Variants in CILP2 observed in about 807,000 individuals in gnomAD.
CILP2 encodes CILP-2.
CILP2 carries 38 observed loss-of-function variants against 45.6 expected under a neutral mutation model. That is an observed-to-expected ratio of 0.83 (90% confidence interval 0.64 to 1.09). CILP2 has a LOEUF of 1.09. Ranked by LOEUF, CILP2 falls within the 50% of genes least tolerant of loss-of-function variation. The pLI is 0.00. For synonymous variants in CILP2, 780 were observed against 723.5 expected (o/e 1.08, Z -1.25); for missense variants, 1,735 against 1,662.2 (o/e 1.04, Z -0.76).
intron 2 of CILP2, 96 bp from the exon 3 acceptor site, chr19:19,540,108 C>T: frequency 7.2e-7 from 1 of 1,392,750 alleles, no homozygotes; most frequent in South Asian, 1.5e-5. Flanking sequence ...CGGTGCCCAC[C>T]GGGGGAGGGG....
At position 19,545,871 on chromosome 19, in the gene CILP2, C is replaced by G; in HGVS notation, c.3326C>G (p.Ala1109Gly). ...AVTFQCREPP[A>G]GRPSLFQRLL... ...ACCTTCCAGTGCCGGGAGCCACCGG[C>G]CGGACGACCCAGCCTCTTCCAGAGG... Residue 1109 changes from alanine (A) to glycine (G), a missense_variant, in exon 8 of 8, where the codon GCC becomes GGC. By Grantham distance (60) the Ala-to-Gly change is moderately conservative. Coordinates refer to ENST00000291495, the MANE Select transcript of CILP2 (RefSeq NM_153221.2). The G allele has an allele frequency of 6.3e-7, 1 of 1,587,586 alleles. No individual in the cohort carries two copies.
chr19:19,542,635 A>C lies in CILP2; in HGVS notation c.853A>C (p.Ile285Leu), dbSNP rs758994214. Residue 285 changes from isoleucine to leucine, a missense_variant, in exon 5 of 8, where the codon ATC becomes CTC. By Grantham distance (5) the Ile-to-Leu change is conservative. Transcript: ENST00000291495. Reference sequence around the variant, plus strand: ...CGGATCCATCTCTGTGGTCACCATCATCCTTGATAAGTTGGGTAAGCACCC... The same window carrying C: ...CGGATCCATCTCTGTGGTCACCATCCTCCTTGATAAGTTGGGTAAGCACCC... ...ANGSISVVTIILDKLEKPYLV... is the reference protein window; with the variant it reads ...ANGSISVVTILLDKLEKPYLV... 2.5e-6 allele frequency: 4 copies of C among 1,613,526 alleles called. No homozygotes were observed. In the South Asian group the frequency reaches 3.3e-5, roughly 13 times the overall value.
At chr19:19,540,158 G>A (rs906704681) in intron 2 of CILP2, 46 bp from the exon 3 acceptor site, 1 of 1,501,356 alleles carries the variant, frequency 6.7e-7, no homozygotes, top group Non-Finnish European at 8.8e-7. Context: ...CATGCATGGG[G>A]GCCTACAGGC....
At position 19,543,863 on chromosome 19, in the gene CILP2, G is replaced by T; in HGVS notation, c.1318G>T (p.Val440Leu). 1 of 1,613,924 alleles carries T rather than the reference G, an allele frequency of 6.2e-7. No homozygotes were observed. The highest frequency in any genetic ancestry group is 8.5e-7 in the Non-Finnish European group (1 of 1,179,876). ...GGACGCCAGCTCCCGCTGCTGCTCT[G>T]TGCGCCGTCTGGAGAGAAGGGAGAT... Reference protein sequence around the residue: ...CGDASSRCCSVRRLERREIHC... With the variant: ...CGDASSRCCSLRRLERREIHC... Residue 440 changes from valine to leucine, a missense_variant, in exon 8 of 8, where the codon GTG (valine) becomes TTG (leucine). Val to Leu is a conservative substitution (Grantham distance 32). Coordinates refer to ENST00000291495, the MANE Select transcript of CILP2 (RefSeq NM_153221.2).
Position 19,544,504 on chromosome 19 carries a change from G to T in CILP2, c.1959G>T (p.Ala653=). Residue 653 remains alanine (A), a synonymous_variant, in exon 8 of 8, where the codon GCG becomes GCT. Transcript: ENST00000291495. ...FSVDLRAPGS[A]EQLQVGPVAV... ...TGGACCTCCGTGCGCCCGGCTCCGC[G>T]GAGCAGCTGCAGGTGGGGCCGGTGG... is the stretch of plus-strand genomic sequence containing the variant. The T allele has an allele frequency of 6.2e-7, 1 of 1,601,264 alleles. No individual in the cohort carries two copies. Among genetic ancestry groups the T allele is most frequent in the South Asian group, 1.1e-5 (1 of 90,764 alleles).
intron 3 of CILP2, 136 bp downstream of exon 3, chr19:19,540,612 C>T (rs1432402482): frequency 2.8e-6 from 3 of 1,056,392 alleles, no homozygotes; most frequent in East Asian, 6.3e-5. Flanking sequence ...AGCCGGGGGA[C>T]CCTTAGGCGT....
Position 19,544,946 on chromosome 19 carries a change from A to C in CILP2, c.2401A>C (p.Arg801=), listed in dbSNP as rs2144679812. The change falls in exon 8 of 8, where the codon AGG becomes CGG. Residue 801 remains arginine (R), a synonymous_variant. Coordinates refer to ENST00000291495, the MANE Select transcript of CILP2 (RefSeq NM_153221.2). ...CCTCCCCGCCTTCTGCGACGCCGAC[A>C]GGCCAGACGCCTACACCGCCCTGGT... is the stretch of plus-strand genomic sequence containing the variant. ...ACLPAFCDAD[R]PDAYTALVTA... 6.3e-7 allele frequency: 1 copy of C among 1,594,580 alleles called. No individual in the cohort carries two copies. The highest frequency in any genetic ancestry group is 8.5e-7 in the Non-Finnish European group (1 of 1,177,350).
chr19:19,539,673 C>G lies in CILP2; in HGVS notation c.65-6C>G. ...GTGCTTCCTTCTCCCCACTCCTCAC[C>G]CACAGACGCCACCCCCACCGAGGAG... On this transcript the variant is annotated splice_region_variant and splice_polypyrimidine_tract_variant and intron_variant, in intron 1 of 7. Transcript: ENST00000291495. The G allele has an allele frequency of 6.3e-7, 1 of 1,576,376 alleles. No homozygotes were observed. The highest frequency in any genetic ancestry group is 8.6e-7 in the Non-Finnish European group (1 of 1,159,568).
In CILP2 at chr19:19,545,093, G is replaced by A. The variant is rs1256475950; in HGVS notation, c.2548G>A (p.Asp850Asn). The change falls in exon 8 of 8, where the codon GAC becomes AAC. Residue 850 changes from aspartate (D) to asparagine (N), a missense_variant. Coordinates refer to ENST00000291495, the MANE Select transcript of CILP2 (RefSeq NM_153221.2). ...DRLGYRRTDH[D>N]DPAFKRNGFR... ...GCTGGGGTACCGTCGGACGGACCAC[G>A]ACGATCCCGCCTTCAAGCGTAACGG... 1 of 1,610,744 alleles carries A rather than the reference G, an allele frequency of 6.2e-7. No homozygotes were observed. Among genetic ancestry groups the A allele is most frequent in the Non-Finnish European group, 8.5e-7 (1 of 1,178,962 alleles).
At position 19,545,303 on chromosome 19, in the gene CILP2, G is replaced by T; in HGVS notation, c.2758G>T (p.Ala920Ser). Residue 920 changes from alanine to serine, a missense_variant, in exon 8 of 8, where the codon GCC becomes TCC. Ala to Ser is a moderately conservative substitution (Grantham distance 99, BLOSUM62 1). Transcript: ENST00000291495. ...GGTCCCCTTCCGAGAGGGCACACCT[G>T]CCTCCTGGACTGGCGATCTCCTGGC... Reference protein sequence around the residue: ...NVVPFREGTPASWTGDLLAWW... With the variant: ...NVVPFREGTPSSWTGDLLAWW... 6.2e-7 allele frequency: 1 copy of T among 1,612,950 alleles called. No individual in the cohort carries two copies. The highest frequency in any genetic ancestry group is 2.2e-5 in the East Asian group (1 of 44,856).
rs1270045080 is a variant in CILP2 at position 19,543,914 on chromosome 19, G to A, written c.1369G>A (p.Val457Met). ...EIHCPGYVLP[V>M]KVVAECGCQK... ...TCACTGCCCTGGCTACGTCCTCCCA[G>A]TGAAGGTGGTGGCAGAGTGTGGCTG... Residue 457 changes from valine to methionine, a missense_variant, in exon 8 of 8, where the codon GTG becomes ATG. Val to Met is a conservative substitution (Grantham distance 21). Transcript: ENST00000291495. The A allele has an allele frequency of 2.5e-6, 4 of 1,613,598 alleles. No homozygotes were observed. The highest frequency in any genetic ancestry group is 1.7e-5 in the Admixed American group (1 of 59,948).
chr19:19,542,702 A>C, intron 5 of CILP2, 52 bp downstream of exon 5: 1 of 1,594,646 alleles, frequency 6.3e-7, no homozygotes, highest in Non-Finnish European at 8.5e-7. Flanking sequence ...CTGGGGAGGA[A>C]GTTCTAGCAC....
At chr19:19,540,674 C>T (rs980994399) in intron 3 of CILP2, 198 bp downstream of exon 3, 4 of 645,530 alleles carry the variant, frequency 6.2e-6, no homozygotes, top group South Asian at 5.7e-5. Flanking sequence ...TGAAGAGAGG[C>T]GCTGGGAACA....
intron 6 of CILP2, 35 bp from the exon 7 acceptor site, chr19:19,543,213 A>G: frequency 6.3e-7 from 1 of 1,598,626 alleles, no homozygotes; most frequent in Non-Finnish European, 8.5e-7. Context: ...AGCCCCTCCC[A>G]CTGAGTCCTA....
At chr19:19,539,545 CAGAG>C (rs1213850691) in intron 1 of CILP2, 130 bp from the exon 2 acceptor site, 1 of 526,306 alleles carries the variant, frequency 1.9e-6, no homozygotes, top group East Asian at 3.2e-5. Flanking sequence ...GCCTGGGTGA[CAGAG>C]GGAGATTCCG....
rs1480377249 is a variant in CILP2, at chr19:19,538,354, C to G, written c.5C>G (p.Ala2Gly). M[A>G]SLLPLLCLCV... The stretch of plus-strand genomic sequence containing the variant: ...CTCGGACGCTCTGCCCCGGCCATGG[C>G]GTCGCTGCTGCCACTGCTCTGTCTC... The change falls in exon 1 of 8, where the codon GCG becomes GGG. Residue 2 changes from alanine to glycine, a missense_variant. Coordinates refer to ENST00000291495, the MANE Select transcript of CILP2 (RefSeq NM_153221.2). 4 of 1,580,142 alleles carry G rather than the reference C, an allele frequency of 2.5e-6. No individual in the cohort carries two copies. Among genetic ancestry groups the G allele is most frequent in the Admixed American group, 3.4e-5 (2 of 58,812 alleles).
At position 19,545,272 on chromosome 19, in the gene CILP2, C is replaced by T. The variant is rs1410004500; in HGVS notation, c.2727C>T (p.Tyr909=). The T allele has an allele frequency of 6.2e-7, 1 of 1,612,894 alleles. No individual in the cohort carries two copies. Among genetic ancestry groups the T allele is most frequent in the Non-Finnish European group, 8.5e-7 (1 of 1,179,888 alleles). The change falls in exon 8 of 8, where the codon TAC becomes TAT. Residue 909 remains tyrosine (Y), a synonymous_variant. Coordinates refer to ENST00000291495, the MANE Select transcript of CILP2 (RefSeq NM_153221.2). ...FARVEADKYE[Y]NVVPFREGTP... is the part of the protein sequence containing the mutation. ...GGGTGGAGGCGGACAAGTACGAGTACAACGTGGTCCCCTTCCGAGAGGGCA... is the reference window on the plus strand; with the variant it reads ...GGGTGGAGGCGGACAAGTACGAGTATAACGTGGTCCCCTTCCGAGAGGGCA...
rs1276637932 is a variant in CILP2, at chr19:19,544,717, G to A, written c.2172G>A (p.Arg724=). 2.5e-6 allele frequency: 4 copies of A among 1,596,412 alleles called. No individual in the cohort carries two copies. Among genetic ancestry groups the A allele is most frequent in the Admixed American group, 1.7e-5 (1 of 58,236 alleles). ...FLVGNVEIRE[R]RLFNLDVPER... is the part of the protein sequence containing the mutation. ...TGGGCAACGTGGAGATCCGGGAGCG[G>A]CGCCTGTTCAATCTGGACGTGCCTG... The change falls in exon 8 of 8, where the codon CGG becomes CGA. Residue 724 remains arginine (R), a synonymous_variant. Transcript: ENST00000291495.
In CILP2 at chr19:19,546,206, G is replaced by T. The variant is rs553862576; in HGVS notation, c.*190G>T. On this transcript the variant is annotated 3_prime_UTR_variant, in exon 8 of 8. Coordinates refer to ENST00000291495, the MANE Select transcript of CILP2 (RefSeq NM_153221.2). The stretch of plus-strand genomic sequence containing the variant: ...TAGAAACACCAGGAAGACAATTGTT[G>T]CTGTGTGGTATGGAATGGAGTTTGC... The T allele has an allele frequency of 1.7e-5, 8 of 482,330 alleles. No individual in the cohort carries two copies. The highest frequency in any genetic ancestry group is 7.1e-6 in the Non-Finnish European group (2 of 283,362). 29.9% of individuals were successfully genotyped at this position (482,330 alleles called of 1,614,324 possible).
Sources: gnomAD v4.1 joint callset for allele counts on GRCh38, gnomAD v4.1.1 for gene constraint, MANE v1.5 for transcripts, NCBI Gene and HGNC (gene_info 2026-07-23, HGNC 2026-07-21) for gene names.